MALRD1: variants seen among roughly 807,000 people sequenced by gnomAD.
The protein encoded by MALRD1 is MAM and LDL-receptor class A domain-containing protein 1.
MALRD1 carries 247 observed loss-of-function variants against 242.1 expected under a neutral mutation model. That is an observed-to-expected ratio of 1.02 (90% confidence interval 0.92 to 1.13). The LOEUF is 1.13. Among genes scored for constraint, MALRD1 ranks in the 50% most tolerant of loss-of-function variants. The pLI, the probability that MALRD1 is intolerant of heterozygous loss-of-function variation, is 0.00. For missense variants in MALRD1, 2,989 were observed against 2,533.1 expected (o/e 1.18, Z -3.86); for synonymous variants, 995 against 866.6 (o/e 1.15, Z -2.60).
chr10:19,447,608 A>G (rs1172855511), intron 28 of MALRD1, among the ~76,000 whole-genome samples: 1 of 152,216 alleles, frequency 6.6e-6, no homozygotes, highest in Non-Finnish European at 1.5e-5. Flanking sequence ...GGGATTTGCC[A>G]TACCTAATGA....
At chr10:19,675,908 C>G (rs1294596068) in intron 36 of MALRD1, among the ~76,000 whole-genome samples, 1 of 152,084 alleles carries the variant, frequency 6.6e-6, no homozygotes, top group African/African-American at 2.4e-5. Flanking sequence ...TCCATGAGAC[C>G]AAAGATGGCA....
chr10:19,312,188 T>C (rs1842452383), intron 21 of MALRD1, among the ~76,000 whole-genome samples: 1 of 151,234 alleles, frequency 6.6e-6, no homozygotes, highest in Admixed American at 6.6e-5. Flanking sequence ...ACCACGTGAA[T>C]TCCCTCATGT....
chr10:19,588,097 G>T, intron 33 of MALRD1, among the ~76,000 whole-genome samples: 1 of 151,936 alleles, frequency 6.6e-6, no homozygotes, highest in Non-Finnish European at 1.5e-5. Flanking sequence ...CATATGAAAT[G>T]AATGACAGAG....
intron 14 of MALRD1, among the ~76,000 whole-genome samples, chr10:19,190,355 T>G (rs1469134321): frequency 6.6e-6 from 1 of 152,122 alleles, no homozygotes; most frequent in East Asian, 1.9e-4. Context: ...AGACGTAATA[T>G]TCTTAAGATG....
intron 21 of MALRD1, among the ~76,000 whole-genome samples, chr10:19,302,077 C>T: frequency 6.6e-6 from 1 of 151,758 alleles, no homozygotes; most frequent in East Asian, 1.9e-4. Flanking sequence ...TTCACATCCA[C>T]TAGGATGGCA....
At chr10:19,679,780 TG>T (rs1842290236) in intron 36 of MALRD1, among the ~76,000 whole-genome samples, 1 of 152,168 alleles carries the variant, frequency 6.6e-6, no homozygotes, top group African/African-American at 2.4e-5. Flanking sequence ...CTTTTCGATG[TG>T]GGGATTTAGT....
At chr10:19,218,154 A>G (rs1181907604) in intron 18 of MALRD1, among the ~76,000 whole-genome samples, 2 of 152,064 alleles carry the variant, frequency 1.3e-5, no homozygotes, top group African/African-American at 4.8e-5. Flanking sequence ...CAATAATTAT[A>G]TATTTTTATT....
chr10:19,069,774 A>G (rs1447682922), intron 2 of MALRD1, among the ~76,000 whole-genome samples: 1 of 146,452 alleles, frequency 6.8e-6, no homozygotes, highest in Admixed American at 6.9e-5. Context: ...TGTGTTTAAT[A>G]TATCTTTGTT....
chr10:19,683,112 T>A (rs1045196232), intron 36 of MALRD1, among the ~76,000 whole-genome samples: 1 of 149,118 alleles, frequency 6.7e-6, no homozygotes, highest in African/African-American at 2.5e-5. Flanking sequence ...CTGGCCAATA[T>A]GGGGAAACCC....
chr10:19,165,463 C>T (rs191514998), intron 12 of MALRD1, among the ~76,000 whole-genome samples, 174 bp from the exon 13 acceptor site: 3,070 of 151,538 alleles, frequency 0.02, 49 homozygotes, highest in Middle Eastern at 0.037. Context: ...CCACCACACC[C>T]GGCTAATTTT....
At chr10:19,296,389 T>G (rs542835007) in intron 21 of MALRD1, among the ~76,000 whole-genome samples, 14 of 152,264 alleles carry the variant, frequency 9.2e-5, no homozygotes, top group Admixed American at 3.9e-4. Flanking sequence ...AGTCTGACTT[T>G]CCTAGCTATG....
intron 21 of MALRD1, among the ~76,000 whole-genome samples, chr10:19,299,521 TAAAAC>T (rs1008543025): frequency 6.6e-6 from 1 of 151,934 alleles, no homozygotes; most frequent in African/African-American, 2.4e-5. Flanking sequence ...CCTGAATTCA[TAAAAC>T]AAATTCTTAG....
At chr10:19,052,737 C>T (rs1231985141) in intron 1 of MALRD1, among the ~76,000 whole-genome samples, 3 of 152,154 alleles carry the variant, frequency 2.0e-5, no homozygotes, top group East Asian at 3.9e-4. Flanking sequence ...AATGATGCCC[C>T]TTCCAAGCCA....
At chr10:19,595,136 C>T in intron 33 of MALRD1, 58 bp from the exon 34 acceptor site, 1 of 1,482,370 alleles carries the variant, frequency 6.7e-7, no homozygotes, top group Non-Finnish European at 9.1e-7. Flanking sequence ...AATGTCCCAA[C>T]ACTGGATGGA....
Position 19,370,202 on chromosome 10 carries a change from C to T in MALRD1, c.4442-17326C>T, listed in dbSNP as rs140128017. ...CAACTGGTACTTTGTTCTCTTTCAT[C>T]AATCTGTTTGCCTTATTTTACTACC... On this transcript the variant is annotated intron_variant, in intron 26 of 39. Transcript: ENST00000454679. Among the ~76,000 whole-genome samples, 16 of 152,250 alleles carry T rather than the reference C, an allele frequency of 1.1e-4. No homozygotes were observed. In the East Asian group the frequency reaches 3.1e-3, roughly 29 times the overall value.
chr10:19,260,236 G>A (rs532549205), intron 19 of MALRD1, among the ~76,000 whole-genome samples: 23 of 152,226 alleles, frequency 1.5e-4, no homozygotes, highest in Non-Finnish European at 2.4e-4. Flanking sequence ...GCTCTCAAGC[G>A]TGTAGGTTGG....
intron 20 of MALRD1, 47 bp downstream of exon 20, chr10:19,280,270 A>C: frequency 7.3e-7 from 1 of 1,374,136 alleles, no homozygotes; most frequent in Non-Finnish European, 9.6e-7. Flanking sequence ...CAAAATAGAA[A>C]ATGCAAGTGT....
chr10:19,280,942 A>G (rs778750318), intron 20 of MALRD1, among the ~76,000 whole-genome samples: 2 of 152,200 alleles, frequency 1.3e-5, no homozygotes, highest in African/African-American at 2.4e-5. Context: ...CTGTACCATC[A>G]TATTTCTCAA....
chr10:19,719,235 T>TACATACATACATAC (rs745328536), intron 38 of MALRD1, among the ~76,000 whole-genome samples: 30 of 116,224 alleles, frequency 2.6e-4, no homozygotes, highest in African/African-American at 9.4e-4. Flanking sequence ...TATATATATA[T>TACATACATACATAC]ATATATATAT....
Sources: allele counts gnomAD v4.1 joint callset (sites outside exome capture counted in the v4.1 genomes callset), GRCh38; gene constraint gnomAD v4.1.1; transcripts MANE v1.5; gene names NCBI Gene and HGNC (gene_info 2026-07-23, HGNC 2026-07-21).